Variants in ZNF320 observed in about 807,000 individuals in gnomAD.
The protein encoded by ZNF320 is zinc finger gene 320.
ZNF320 carries 2 observed loss-of-function variants against 6.8 expected under a neutral mutation model. The observed-to-expected ratio is 0.29, with a 90% CI of 0.12 to 0.93. The LOEUF is 0.93. ZNF320 is among the 40% of genes least tolerant of loss of function. The probability of loss-of-function intolerance (pLI) is 0.55; values close to 1 mark genes in which losing one functional copy is unlikely to be tolerated. For synonymous variants in ZNF320, 208 were observed against 203.2 expected (o/e 1.02, Z -0.20); for missense variants, 472 against 611.0 (o/e 0.77, Z 2.40).
At chr19:52,875,354 G>A (rs573320394), downstream of ZNF320, among the ~76,000 whole-genome samples, 24 of 152,274 alleles carry the variant, frequency 1.6e-4, no homozygotes, top group African/African-American at 5.8e-4. Context: ...TCAGTGGAGA[G>A]GCCTGCAGGG....
At chr19:52,864,961 C>T (rs564821838) in intron 5 of ZNF320, among the ~76,000 whole-genome samples, 455 of 151,678 alleles carry the variant, frequency 3.0e-3, no homozygotes, top group Non-Finnish European at 5.0e-3. Context: ...TGCAGTGAGC[C>T]GAGATCGGGC....
At chr19:52,871,417 G>C (rs2063678819), downstream of ZNF320, among the ~76,000 whole-genome samples, 2 of 152,070 alleles carry the variant, frequency 1.3e-5, no homozygotes, top group Admixed American at 6.6e-5. Flanking sequence ...TACTTGGGAG[G>C]CTGATGCAAT....
In ZNF320 at chr19:52,880,975, G is replaced by A; in HGVS notation, c.1151C>T (p.Pro384Leu). The change falls in exon 6 of 6, where the codon CCT becomes CTT. Residue 384 changes from proline (P) to leucine (L), a missense_variant. By Grantham distance (98) the Pro-to-Leu change is moderately conservative. Around this residue, in one of 2 missense-constraint regions of ZNF320, gnomAD observed 462 missense variants for 559.7 expected, o/e 0.83. Transcript: ENST00000682928. ...EHQRVHTGERPYTCNECGKVF... is the reference protein window; with the variant it reads ...EHQRVHTGERLYTCNECGKVF... ...CTTGCCACATTCATTACATGTGTAAGGTCTCTCTCCAGTATGAACTCTCTG... is the reference window on the plus strand; with the variant it reads ...CTTGCCACATTCATTACATGTGTAAAGTCTCTCTCCAGTATGAACTCTCTG... The A allele has an allele frequency of 1.2e-6, 2 of 1,613,430 alleles. No homozygotes were observed. Among genetic ancestry groups the A allele is most frequent in the Non-Finnish European group, 1.7e-6 (2 of 1,179,776 alleles).
In ZNF320 at chr19:52,879,177, A is replaced by G. The variant is rs891599797; in HGVS notation, c.*1419T>C. 6.6e-6 allele frequency: 1 copy of G among 152,232 alleles called. No individual in the cohort carries two copies. The highest frequency in any genetic ancestry group is 6.5e-5 in the Admixed American group (1 of 15,272). 9.4% of individuals were successfully genotyped at this position (152,232 alleles called of 1,614,324 possible). ...GTGATATCATGCACAATTTTCTCATAATATGTATTTTTCCATGAACTTCCT... is the reference window on the plus strand; with the variant it reads ...GTGATATCATGCACAATTTTCTCATGATATGTATTTTTCCATGAACTTCCT... On this transcript the variant is annotated 3_prime_UTR_variant, in exon 6 of 6. Transcript: ENST00000682928.
chr19:52,887,438 A>T (rs983887806), intron 5 of ZNF320, among the ~76,000 whole-genome samples: 2 of 152,324 alleles, frequency 1.3e-5, no homozygotes, highest in East Asian at 1.9e-4. Context: ...AAAATATTTC[A>T]CAAATTCCTC....
upstream of ZNF320, among the ~76,000 whole-genome samples, chr19:52,900,206 G>A (rs1339503282): frequency 6.6e-6 from 1 of 152,076 alleles, no homozygotes; most frequent in Non-Finnish European, 1.5e-5. Context: ...CTGCAACTTT[G>A]GAAATTTACT....
chr19:52,875,995 G>A (rs2063758752), downstream of ZNF320, among the ~76,000 whole-genome samples: 1 of 152,098 alleles, frequency 6.6e-6, no homozygotes, highest in Non-Finnish European at 1.5e-5. Context: ...AATGAGATCT[G>A]AGCAAATGTT....
downstream of ZNF320, among the ~76,000 whole-genome samples, chr19:52,860,050 C>T (rs1481116097): frequency 1.3e-5 from 2 of 151,868 alleles, no homozygotes; most frequent in African/African-American, 2.4e-5. Flanking sequence ...GTAGCTGGGA[C>T]TACAGGCGCC....
intron 1 of ZNF320, among the ~76,000 whole-genome samples, chr19:52,897,165 T>G (rs2064499267): frequency 6.6e-6 from 1 of 151,616 alleles, no homozygotes; most frequent in Non-Finnish European, 1.5e-5. Flanking sequence ...TTTCCAGGAG[T>G]TGGAACTAGG....
intron 4 of ZNF320, among the ~76,000 whole-genome samples, chr19:52,889,484 TAAG>T (rs1458171844): frequency 6.6e-6 from 1 of 152,008 alleles, no homozygotes. Context: ...ATAGGTGGAA[TAAG>T]AATATGGCTT....
At chr19:52,871,983 T>C (rs2063688944), downstream of ZNF320, among the ~76,000 whole-genome samples, 1 of 152,190 alleles carries the variant, frequency 6.6e-6, no homozygotes, top group Admixed American at 6.5e-5. Context: ...TTCATTACTG[T>C]TTCCCTCCAT....
intron 5 of ZNF320, chr19:52,865,471 T>TA: frequency 2.7e-5 from 1 of 36,498 alleles, no homozygotes; most frequent in African/African-American, 1.5e-4. Flanking sequence ...ATATATATAT[T>TA]ACATATATAT....
intron 1 of ZNF320, among the ~76,000 whole-genome samples, chr19:52,896,498 C>T (rs375865185): frequency 5.3e-5 from 8 of 152,216 alleles, no homozygotes; most frequent in African/African-American, 1.7e-4. Flanking sequence ...CGCTTGAGCC[C>T]TGGAGTTGGA....
At chr19:52,862,037 G>T in exon 6 of ZNF320, 1 of 376,122 alleles carries the variant, frequency 2.7e-6, no homozygotes, top group Non-Finnish European at 5.4e-6. Context: ...TGAGTTCGCT[G>T]ATGAACTGCA....
upstream of ZNF320, among the ~76,000 whole-genome samples, chr19:52,898,512 C>T (rs1201563533): frequency 1.3e-5 from 2 of 152,336 alleles, no homozygotes; most frequent in African/African-American, 4.8e-5. Context: ...AAAGCATTGA[C>T]ATTGTAACAG....
chr19:52,862,847 TC>T, exon 6 of ZNF320: 1 of 351,644 alleles, frequency 2.8e-6, no homozygotes, highest in Non-Finnish European at 5.7e-6. Flanking sequence ...AAGGTTTCTC[TC>T]CAGTATGAAT....
chr19:52,871,307 G>A (rs767099456), downstream of ZNF320, among the ~76,000 whole-genome samples: 5 of 151,762 alleles, frequency 3.3e-5, no homozygotes, highest in African/African-American at 7.3e-5. Context: ...GCCACAGAGC[G>A]ATATTTTCTC....
downstream of ZNF320, among the ~76,000 whole-genome samples, chr19:52,860,049 A>G (rs1325238994): frequency 1.3e-5 from 2 of 151,744 alleles, no homozygotes; most frequent in African/African-American, 2.4e-5. Flanking sequence ...AGTAGCTGGG[A>G]CTACAGGCGC....
rs2063799094 is a variant in ZNF320 at position 52,877,639 on chromosome 19, G to A, written c.*2957C>T. On this transcript the variant is annotated 3_prime_UTR_variant, in exon 6 of 6. Coordinates refer to ENST00000682928, the MANE Select transcript of ZNF320 (RefSeq NM_001351774.2). Reference sequence around the variant, plus strand: ...TCCCGGTTTGGGAGGGGCATATGTAGCTTTTTAAAAAATCTTTGTAACTAT... The same window carrying A: ...TCCCGGTTTGGGAGGGGCATATGTAACTTTTTAAAAAATCTTTGTAACTAT... The A allele has an allele frequency of 1.3e-5, 2 of 152,162 alleles. No individual in the cohort carries two copies. Among genetic ancestry groups the A allele is most frequent in the Non-Finnish European group, 2.9e-5 (2 of 68,038 alleles). The allele number at this position is 152,162 out of a possible 1,614,324, so 9.4% of individuals were successfully genotyped here.
Sources: allele counts gnomAD v4.1 joint callset (sites outside exome capture counted in the v4.1 genomes callset), GRCh38; gene constraint gnomAD v4.1.1; regional missense constraint gnomAD v4.1.1; transcripts MANE v1.5; gene names NCBI Gene and HGNC (gene_info 2026-07-23, HGNC 2026-07-21).